Variants in MEGF11 observed in about 807,000 individuals in gnomAD.
The protein encoded by MEGF11 is multiple epidermal growth factor-like domains protein 11.
A neutral mutation model predicts 146.6 loss-of-function variants in MEGF11; 126 were observed. The observed-to-expected ratio is 0.86, with a 90% CI of 0.74 to 1.00. The LOEUF (loss-of-function observed/expected upper bound fraction) is 1.00, where lower values mean the gene tolerates loss of function less well. Ranked by LOEUF, MEGF11 falls within the 50% of genes least tolerant of loss-of-function variation. The pLI is 0.00. For missense variants in MEGF11, 1,509 were observed against 1,521.2 expected (o/e 0.99, Z 0.13); for synonymous variants, 532 against 583.4 (o/e 0.91, Z 1.27).
chr15:65,972,206 A>C (rs1361927303), intron 7 of MEGF11, among the ~76,000 whole-genome samples: 1 of 152,254 alleles, frequency 6.6e-6, no homozygotes, highest in Non-Finnish European at 1.5e-5. Context: ...CAGGAGTTCC[A>C]GACAGTAGAA....
Position 65,970,554 on chromosome 15 carries a change from T to G in MEGF11, c.898A>C (p.Arg300=), listed in dbSNP as rs1278978732. ...CHCTAGYMGD[R]CQEECPFGSF... ...GATAACAGTTAACACTATCCTTACC[T>G]GTCCCCCATGTATCCAGCTGTACAG... Residue 300 remains arginine, a splice_region_variant and synonymous_variant, in exon 8 of 26, where the codon AGG becomes CGG. Coordinates refer to ENST00000395614, the MANE Select transcript of MEGF11 (RefSeq NM_001385028.1). The G allele has an allele frequency of 1.2e-6, 2 of 1,613,896 alleles. No homozygotes were observed. Among genetic ancestry groups the G allele is most frequent in the East Asian group, 2.2e-5 (1 of 44,890 alleles).
chr15:66,015,972 C>T lies in MEGF11; in HGVS notation c.395-33484G>A, dbSNP rs565458286. On this transcript the variant is annotated intron_variant, in intron 5 of 25. Coordinates refer to ENST00000395614, the MANE Select transcript of MEGF11 (RefSeq NM_001385028.1). ...CTCTGGTAGATTCATCAGAGCCCAC[C>T]TACTTGGGGTGGGTGGGTAGGCATT... Among the ~76,000 whole-genome samples, 3 of 124,796 alleles carry T rather than the reference C, an allele frequency of 2.4e-5. No individual in the cohort carries two copies. The East Asian group carries it at 6.7e-4, about 28-fold the overall frequency. 81.9% of individuals were successfully genotyped at this position (124,796 alleles called of 152,430 possible). A position where few individuals can be genotyped will look rare whatever the true frequency, so the allele number is the denominator to read the frequency against.
At chr15:66,250,842 G>A (rs1283370810) in intron 1 of MEGF11, among the ~76,000 whole-genome samples, 17 of 152,006 alleles carry the variant, frequency 1.1e-4, no homozygotes, top group Admixed American at 1.0e-3. Flanking sequence ...AGAAGGCGGA[G>A]GTTGCCGTGA....
chr15:66,140,851 C>T (rs930001475), intron 1 of MEGF11, among the ~76,000 whole-genome samples: 16 of 152,108 alleles, frequency 1.1e-4, no homozygotes, highest in African/African-American at 3.1e-4. Flanking sequence ...TGAGCTCAGC[C>T]GGGTATTGGG....
In MEGF11 at chr15:65,922,335, T is replaced by C; in HGVS notation, c.1957+3A>G. On this transcript the variant is annotated splice_donor_region_variant and intron_variant, in intron 15 of 25. Transcript: ENST00000395614. The stretch of plus-strand genomic sequence containing the variant: ...CCCAGTACCTTCCCACTGGAGACAG[T>C]ACCTTGGTTGCAGAGAGCTCCAGAG... The C allele has an allele frequency of 6.2e-7, 1 of 1,607,614 alleles. No individual in the cohort carries two copies. The highest frequency in any genetic ancestry group is 8.5e-7 in the Non-Finnish European group (1 of 1,177,220).
chr15:66,247,757 C>T (rs2092315057), intron 1 of MEGF11, among the ~76,000 whole-genome samples: 1 of 151,994 alleles, frequency 6.6e-6, no homozygotes, highest in Non-Finnish European at 1.5e-5. Context: ...GATGGTTCAG[C>T]CGGGCGCAGT....
chr15:66,165,459 C>A (rs972675418), intron 1 of MEGF11, among the ~76,000 whole-genome samples: 2 of 152,192 alleles, frequency 1.3e-5, no homozygotes, highest in Non-Finnish European at 2.9e-5. Flanking sequence ...AACTAGTCAC[C>A]ACCACCAGCA....
Position 65,990,624 on chromosome 15 carries a change from GA to G in MEGF11, c.395-8137del, listed in dbSNP as rs1044593180. Among the ~76,000 whole-genome samples the G allele has an allele frequency of 2.3e-4, 24 of 102,774 alleles. No individual in the cohort carries two copies. In the East Asian group the frequency reaches 8.9e-3, roughly 38 times the overall value. The allele number at this position is 102,774 out of a possible 152,430, so 67.4% of individuals were successfully genotyped here. ...AGAAAAGAAAAGAAAAAAAAGAAAA[GA>G]AAAAAAGAGAAAGGAAAAGAAAAAA... On this transcript the variant is annotated intron_variant, in intron 5 of 25. Coordinates refer to ENST00000395614, the MANE Select transcript of MEGF11 (RefSeq NM_001385028.1).
chr15:66,196,191 G>A (rs1407017712), intron 1 of MEGF11, among the ~76,000 whole-genome samples: 3 of 152,206 alleles, frequency 2.0e-5, no homozygotes, highest in Admixed American at 1.3e-4. Flanking sequence ...AGGATTTGGG[G>A]TCAGGCGTGG....
chr15:65,918,490 G>A (rs779810512), intron 15 of MEGF11, among the ~76,000 whole-genome samples: 3 of 152,166 alleles, frequency 2.0e-5, no homozygotes, highest in Non-Finnish European at 4.4e-5. Flanking sequence ...CCAACATCAC[G>A]GATTCCACAA....
At chr15:66,104,579 T>C (rs1433242707) in intron 4 of MEGF11, among the ~76,000 whole-genome samples, 2 of 152,258 alleles carry the variant, frequency 1.3e-5, no homozygotes, top group African/African-American at 4.8e-5. Flanking sequence ...GTCTTGGGTC[T>C]CATTAACTTT....
intron 1 of MEGF11, among the ~76,000 whole-genome samples, chr15:66,141,410 C>T (rs554599899): frequency 4.0e-5 from 6 of 151,896 alleles, no homozygotes; most frequent in Middle Eastern, 3.4e-3. Flanking sequence ...AAAGAGAAGA[C>T]GACTGGCTTG....
chr15:66,183,368 C>G (rs1350595431), intron 1 of MEGF11, among the ~76,000 whole-genome samples: 1 of 151,968 alleles, frequency 6.6e-6, no homozygotes, highest in East Asian at 1.9e-4. Flanking sequence ...AGAATGGTGG[C>G]TCACGGCTGT....
rs1250196668 is a variant in MEGF11 at position 66,146,487 on chromosome 15, C to G, written c.-8-18076G>C. ...CACCGTTTGGATGGGATGGCCTCATCATCTGGAACGAGTTGTTTTTCATTC... is the reference window on the plus strand; with the variant it reads ...CACCGTTTGGATGGGATGGCCTCATGATCTGGAACGAGTTGTTTTTCATTC... On this transcript the variant is annotated intron_variant, in intron 1 of 25. Transcript: ENST00000395614. Among the ~76,000 whole-genome samples, 4 of 152,258 alleles carry G rather than the reference C, an allele frequency of 2.6e-5. No homozygotes were observed. In the South Asian group the frequency reaches 6.2e-4, roughly 24 times the overall value.
rs2079229588 is a variant in MEGF11 at position 65,922,973 on chromosome 15, T to C, written c.1676-4A>G. 1 of 1,611,630 alleles carries C rather than the reference T, an allele frequency of 6.2e-7. No individual in the cohort carries two copies. The highest frequency in any genetic ancestry group is 8.5e-7 in the Non-Finnish European group (1 of 1,179,296). On this transcript the variant is annotated splice_region_variant and splice_polypyrimidine_tract_variant and intron_variant, in intron 13 of 25. Coordinates refer to ENST00000395614, the MANE Select transcript of MEGF11 (RefSeq NM_001385028.1). ...CACGTGCTGTCACAGCGGATGCCTG[T>C]GGGCCAGAGGCAGACTCGGGTCAGT...
intron 9 of MEGF11, among the ~76,000 whole-genome samples, chr15:65,960,967 A>G (rs938512778): frequency 6.6e-6 from 1 of 150,616 alleles, no homozygotes; most frequent in African/African-American, 2.4e-5. Context: ...TTTTTTTTTC[A>G]TATCCCTACA....
chr15:66,024,237 A>G (rs1473582133), intron 5 of MEGF11, among the ~76,000 whole-genome samples: 1 of 152,274 alleles, frequency 6.6e-6, no homozygotes, highest in African/African-American at 2.4e-5. Flanking sequence ...TTTGGGGAAC[A>G]TGGCTGCCCA....
At chr15:66,233,833 C>T (rs7181124) in intron 1 of MEGF11, among the ~76,000 whole-genome samples, 69,837 of 151,872 alleles carry the variant, frequency 0.46, 17,012 homozygotes, top group East Asian at 0.68. Flanking sequence ...ATATGAGGAA[C>T]GCCTGCCAAA....
intron 5 of MEGF11, among the ~76,000 whole-genome samples, chr15:66,010,335 GAT>G (rs2082674043): frequency 6.6e-6 from 1 of 151,990 alleles, no homozygotes; most frequent in Non-Finnish European, 1.5e-5. Flanking sequence ...TGGGATTACA[GAT>G]GTGCACCACC....
Sources: gnomAD v4.1 joint callset for allele counts (sites outside exome capture counted in the v4.1 genomes callset) on GRCh38, gnomAD v4.1.1 for gene constraint, MANE v1.5 for transcripts, NCBI Gene and HGNC (gene_info 2026-07-23, HGNC 2026-07-21) for gene names.